The following STEAP3 variants were observed in gnomAD, a reference collection of about 807,000 sequenced individuals.
The protein encoded by STEAP3 is metalloreductase STEAP3.
A neutral mutation model predicts 34.9 loss-of-function variants in STEAP3; 35 were observed. That is an observed-to-expected ratio of 1.00 (90% CI 0.76 to 1.33). The LOEUF (loss-of-function observed/expected upper bound fraction) is 1.33. Ranked by LOEUF, STEAP3 falls within the 40% of genes most tolerant of loss-of-function variation. STEAP3 has a pLI of 0.00. For missense variants in STEAP3, 652 were observed against 667.6 expected, an observed-to-expected ratio of 0.98 and a Z score of 0.26; for synonymous variants, 281 against 301.6, an observed-to-expected ratio of 0.93 and a Z score of 0.71.
chr2:119,231,759 C>T (rs532340151), intron 2 of STEAP3, among the ~76,000 whole-genome samples: 1 of 151,988 alleles, frequency 6.6e-6, no homozygotes, highest in South Asian at 2.1e-4. Context: ...ATAATGATTC[C>T]AGGCAGTATT....
Position 119,230,856 on chromosome 2 carries a change from G to A in STEAP3, c.-157G>A, listed in dbSNP as rs1466124928. The A allele has an allele frequency of 3.3e-6, 3 of 918,262 alleles. No homozygotes were observed. In the African/African-American group the frequency reaches 4.9e-5, roughly 15 times the overall value. The allele number at this position is 918,262 out of a possible 1,614,324, so 56.9% of individuals were successfully genotyped here. Reference sequence around the variant, plus strand: ...GCGTGCAGGCTGCGGGAGGCAGCTGGCTGTGCAAGACCCTGGCAGGGCCCT... The same window carrying A: ...GCGTGCAGGCTGCGGGAGGCAGCTGACTGTGCAAGACCCTGGCAGGGCCCT... On this transcript the variant is annotated 5_prime_UTR_variant, in exon 2 of 6. Transcript: ENST00000393110.
At chr2:119,255,463 C>T (rs925396673) in intron 5 of STEAP3, among the ~76,000 whole-genome samples, 1 of 152,194 alleles carries the variant, frequency 6.6e-6, no homozygotes, top group Non-Finnish European at 1.5e-5. Flanking sequence ...AGATTTACTT[C>T]CCCCTAAGAG....
chr2:119,257,868 G>A (rs147743263), intron 5 of STEAP3: 4 of 348,054 alleles, frequency 1.1e-5, no homozygotes, highest in African/African-American at 4.4e-5. Flanking sequence ...AAAGGGTCCC[G>A]ATCCAGACCC....
intron 2 of STEAP3, among the ~76,000 whole-genome samples, chr2:119,238,976 G>A (rs1558745950): frequency 6.6e-6 from 1 of 152,124 alleles, no homozygotes; most frequent in Non-Finnish European, 1.5e-5. Flanking sequence ...GGAAGTGGGG[G>A]CGGGGGGTGG....
chr2:119,229,883 C>T (rs1272778682), intron 1 of STEAP3, among the ~76,000 whole-genome samples: 1 of 152,048 alleles, frequency 6.6e-6, no homozygotes, highest in African/African-American at 2.4e-5. Flanking sequence ...TGTTAGACTC[C>T]GCGGAGATTC....
intron 2 of STEAP3, chr2:119,245,283 G>C: frequency 3.2e-6 from 2 of 628,930 alleles, no homozygotes; most frequent in Non-Finnish European, 5.2e-6. Flanking sequence ...AGTCATCCCT[G>C]CTCTTCCTGA....
In STEAP3 at chr2:119,263,770, C is replaced by T; in HGVS notation, c.*432C>T. ...CCCACAACTTCCCTTTTGCTACTTC[C>T]CCAAGGCTCTTGCAGAGCTAGGGCT... On this transcript the variant is annotated 3_prime_UTR_variant, in exon 6 of 6. Coordinates refer to ENST00000393110, the MANE Select transcript of STEAP3 (RefSeq NM_182915.3). 1 of 315,536 alleles carries T rather than the reference C, an allele frequency of 3.2e-6. No individual in the cohort carries two copies. The highest frequency in any genetic ancestry group is 2.7e-5 in the South Asian group (1 of 36,678). 19.5% of individuals were successfully genotyped at this position (315,536 alleles called of 1,614,324 possible).
chr2:119,224,812 A>C (rs1466247225), intron 1 of STEAP3, among the ~76,000 whole-genome samples: 1 of 152,226 alleles, frequency 6.6e-6, no homozygotes, highest in Non-Finnish European at 1.5e-5. Context: ...TATGTGTGCC[A>C]GGCATCTTGC....
At chr2:119,250,260 GAC>G (rs1326869895) in intron 4 of STEAP3, among the ~76,000 whole-genome samples, 13 of 152,238 alleles carry the variant, frequency 8.5e-5, no homozygotes, top group Non-Finnish European at 1.9e-4. Context: ...GAGTAAGAAA[GAC>G]ACAGACCATC....
intron 5 of STEAP3, among the ~76,000 whole-genome samples, chr2:119,262,329 A>C (rs1359738813): frequency 1.5e-5 from 2 of 137,922 alleles, no homozygotes. Flanking sequence ...TAACTAGTAA[A>C]ATTTATACAC....
chr2:119,257,435 CT>C (rs1420896752), intron 5 of STEAP3: 35 of 1,470,672 alleles, frequency 2.4e-5, no homozygotes, highest in Admixed American at 5.2e-5. Flanking sequence ...CCCTAAGTGA[CT>C]GATAGGTGCG....
At position 119,245,898 on chromosome 2, in the gene STEAP3, C is replaced by T. The variant is rs1223476397; in HGVS notation, c.432C>T (p.Ala144=). The change falls in exon 3 of 6, where the codon GCC becomes GCT. Residue 144 remains alanine, a synonymous_variant. Transcript: ENST00000393110. ...GTGAGTCCAATGCTGAGTACCTGGCCTCCCTCTTCCCCACTTGCACAGTGG... is the reference window on the plus strand; with the variant it reads ...GTGAGTCCAATGCTGAGTACCTGGCTTCCCTCTTCCCCACTTGCACAGTGG... ...QHRESNAEYL[A]SLFPTCTVVK... is the part of the protein sequence containing the mutation. The T allele has an allele frequency of 1.9e-6, 3 of 1,614,068 alleles. No individual in the cohort carries two copies. Among genetic ancestry groups the T allele is most frequent in the African/African-American group, 2.7e-5 (2 of 75,050 alleles).
At chr2:119,261,185 C>T (rs1190478406) in intron 5 of STEAP3, among the ~76,000 whole-genome samples, 2 of 151,962 alleles carry the variant, frequency 1.3e-5, no homozygotes, top group African/African-American at 4.8e-5. Context: ...GGAGCAAGAA[C>T]GGGGCCCAAT....
intron 2 of STEAP3, among the ~76,000 whole-genome samples, chr2:119,234,171 C>T (rs1386501753): frequency 8.2e-6 from 1 of 121,678 alleles, no homozygotes; most frequent in Non-Finnish European, 1.9e-5. Flanking sequence ...TAACTCTGCC[C>T]TTTCCTAACC....
chr2:119,255,543 C>T (rs943543952), intron 5 of STEAP3, among the ~76,000 whole-genome samples: 2 of 152,150 alleles, frequency 1.3e-5, no homozygotes, highest in African/African-American at 4.8e-5. Flanking sequence ...GTTAATCAGA[C>T]TTATTGGAGT....
chr2:119,256,422 T>C (rs759043845), intron 5 of STEAP3, among the ~76,000 whole-genome samples: 4 of 152,028 alleles, frequency 2.6e-5, no homozygotes, highest in Non-Finnish European at 5.9e-5. Context: ...CCACCTGGAG[T>C]ATCCGGCGTG....
chr2:119,259,193 G>A (rs1677871485), intron 5 of STEAP3, among the ~76,000 whole-genome samples: 1 of 152,166 alleles, frequency 6.6e-6, no homozygotes, highest in African/African-American at 2.4e-5. Context: ...ATTGTCCAAA[G>A]CCCCTTTGTG....
Position 119,259,394 on chromosome 2 carries a change from A to G in STEAP3, c.1216-3663A>G, listed in dbSNP as rs183314428. 2.9e-3 allele frequency among the ~76,000 whole-genome samples: 434 copies of G among 152,276 alleles called. 1 individual carries two copies. The highest frequency in any genetic ancestry group is 0.01 in the African/African-American group (419 of 41,536). ...TCCCAAGGAGAGTTTTTGGGAAACA[A>G]ACTCCCTGGAATCATGCAGGCTTCC... On this transcript the variant is annotated intron_variant, in intron 5 of 5. Coordinates refer to ENST00000393110, the MANE Select transcript of STEAP3 (RefSeq NM_182915.3).
intron 4 of STEAP3, 96 bp from the exon 5 acceptor site, chr2:119,254,588 G>T: frequency 7.0e-7 from 1 of 1,422,160 alleles, no homozygotes; most frequent in Non-Finnish European, 9.8e-7. Flanking sequence ...CAGTGTGAGC[G>T]CCCGCCGTCT....
Sources: gnomAD v4.1 joint callset for allele counts (sites outside exome capture counted in the v4.1 genomes callset) on GRCh38, gnomAD v4.1.1 for gene constraint, MANE v1.5 for transcripts, NCBI Gene and HGNC (gene_info 2026-07-23, HGNC 2026-07-21) for gene names.